ALX4: variants seen among roughly 807,000 people sequenced by gnomAD.
ALX4 encodes the protein homeobox protein aristaless-like 4.
In ALX4, 22 loss-of-function variants were observed where a neutral mutation model predicts 40.6. The observed-to-expected ratio is 0.54, with a 90% CI of 0.39 to 0.77. The LOEUF (loss-of-function observed/expected upper bound fraction) is 0.77, where lower values mean the gene tolerates loss of function less well. Among genes scored for constraint, ALX4 ranks in the 30% least tolerant of loss-of-function variants. The probability of loss-of-function intolerance (pLI) is 0.00; values close to 1 mark genes in which losing one functional copy is unlikely to be tolerated. For missense variants in ALX4, 556 were observed against 564.8 expected (o/e 0.98, Z 0.16); for synonymous variants, 266 against 240.5 (o/e 1.11, Z -0.98).
At position 44,287,978 on chromosome 11, in the gene ALX4, TTTTG is replaced by T. The variant is rs565583227; in HGVS notation, c.467-12324_467-12321del. 2.5e-4 allele frequency among the ~76,000 whole-genome samples: 38 copies of T among 152,240 alleles called. No homozygotes were observed. The East Asian group carries it at 5.8e-3, about 23-fold the overall frequency. On this transcript the variant is annotated intron_variant, in intron 1 of 3. Transcript: ENST00000652299. ...GTCATATGTCTGCAACTTACTCTTTTTTTGTTTGTTTGTTTTTAGACAAAGTCTT... is the reference window on the plus strand; with the variant it reads ...GTCATATGTCTGCAACTTACTCTTTTTTTGTTTGTTTTTAGACAAAGTCTT...
rs1346150090 is a variant in ALX4, at chr11:44,309,709, C to A, written c.354G>T (p.Ala118=). 14 of 1,579,312 alleles carry A rather than the reference C, an allele frequency of 8.9e-6. No individual in the cohort carries two copies. The Admixed American group carries it at 2.5e-4, about 28-fold the overall frequency. The change falls in exon 1 of 4, where the codon GCG becomes GCT. Residue 118 remains alanine (A), a synonymous_variant. Transcript: ENST00000652299. ...CTCGCTGCAAGTAAAGATGCGGTTG[C>A]GCGGGCGGCTGGGGCTGCGGCTGCT... ...QQQQPQPQPP[A]QPHLYLQRGA... is the part of the protein sequence containing the mutation.
chr11:44,281,048 T>C (rs1956307158), intron 1 of ALX4, among the ~76,000 whole-genome samples: 1 of 152,240 alleles, frequency 6.6e-6, no homozygotes, highest in Non-Finnish European at 1.5e-5. Context: ...TCTAATCTAG[T>C]TTTACCTTTT....
chr11:44,265,342 G>T (rs534553421), intron 3 of ALX4, among the ~76,000 whole-genome samples, 159 bp from the exon 4 acceptor site: 12 of 152,220 alleles, frequency 7.9e-5, no homozygotes. Flanking sequence ...ACCCCTGTGG[G>T]GGTGGCTTTT....
In ALX4 at chr11:44,265,151, C is replaced by A. The variant is rs541605039; in HGVS notation, c.939G>T (p.Gly313=). The change falls in exon 4 of 4, where the codon GGG becomes GGT. Residue 313 remains glycine (G), a synonymous_variant. Transcript: ENST00000652299. ...CGCAGGCTGGCACTGGTGAGGCAGC[C>A]CCGTTGTTGCCGAGCCAGGACGGGT... is the stretch of plus-strand genomic sequence containing the variant. ...IQNPSWLGNN[G]AASPVPACVV... is the part of the protein sequence containing the mutation. 4 of 1,605,954 alleles carry A rather than the reference C, an allele frequency of 2.5e-6. No homozygotes were observed. In the South Asian group the frequency reaches 4.4e-5, roughly 18 times the overall value.
intron 2 of ALX4, among the ~76,000 whole-genome samples, chr11:44,271,718 A>ATG (rs1956248493): frequency 6.6e-6 from 1 of 152,128 alleles, no homozygotes; most frequent in Admixed American, 6.5e-5. Flanking sequence ...GTGCGCGCGC[A>ATG]TGTGTGTGTG....
chr11:44,309,978 C>G lies in ALX4; in HGVS notation c.85G>C (p.Glu29Gln). The part of the protein sequence containing the change: ...AYYSPVSQSR[E>Q]GSSPFRAFPG... ...AATGCCCTAAAAGGCGACGAGCCCT[C>G]CCGACTCTGCGACACCGGGCTGTAG... Residue 29 changes from glutamate to glutamine, a missense_variant, in exon 1 of 4, where the codon GAG (glutamate) becomes CAG (glutamine). By Grantham distance (29) the Glu-to-Gln change is conservative. Coordinates refer to ENST00000652299, the MANE Select transcript of ALX4 (RefSeq NM_021926.4). The G allele has an allele frequency of 6.3e-7, 1 of 1,599,048 alleles. No individual in the cohort carries two copies.
In ALX4 at chr11:44,263,006, G is replaced by A. The variant is rs1378156347; in HGVS notation, c.*1848C>T. The A allele has an allele frequency of 6.6e-6, 1 of 152,096 alleles. No homozygotes were observed. Among genetic ancestry groups the A allele is most frequent in the Non-Finnish European group, 1.5e-5 (1 of 68,032 alleles). 9.4% of individuals were successfully genotyped at this position (152,096 alleles called of 1,614,324 possible). On this transcript the variant is annotated 3_prime_UTR_variant, in exon 4 of 4. Transcript: ENST00000652299. ...TCTATAAGATCCATTTTAGAGCTAC[G>A]GTTCACAAAGAGGTCTGACTCATTA...
At chr11:44,282,012 A>G (rs1019122321) in intron 1 of ALX4, among the ~76,000 whole-genome samples, 1 of 152,222 alleles carries the variant, frequency 6.6e-6, no homozygotes, top group Non-Finnish European at 1.5e-5. Flanking sequence ...TGCTCTCGAA[A>G]TAAGGAAAGT....
chr11:44,305,637 G>A (rs1956462092), intron 1 of ALX4, among the ~76,000 whole-genome samples: 2 of 152,222 alleles, frequency 1.3e-5, no homozygotes, highest in African/African-American at 4.8e-5. Flanking sequence ...TGCATGGATT[G>A]TGTCGGTGCA....
chr11:44,298,716 G>C (rs1285035626), intron 1 of ALX4, among the ~76,000 whole-genome samples: 1 of 151,940 alleles, frequency 6.6e-6, no homozygotes, highest in African/African-American at 2.4e-5. Context: ...CCGACTGCTA[G>C]AGTTGGAGAA....
intron 1 of ALX4, among the ~76,000 whole-genome samples, chr11:44,286,968 G>A (rs1956342041): frequency 6.6e-6 from 1 of 152,224 alleles, no homozygotes; most frequent in South Asian, 2.1e-4. Context: ...CGCACAGTGG[G>A]TGCTCAGGAA....
At chr11:44,277,965 CAA>C (rs765540608) in intron 1 of ALX4, among the ~76,000 whole-genome samples, 117 of 151,854 alleles carry the variant, frequency 7.7e-4, no homozygotes, top group Non-Finnish European at 1.1e-3. Context: ...GAGCTTTCAG[CAA>C]AGATATTTAT....
Position 44,264,939 on chromosome 11 carries a change from C to A in ALX4, c.1151G>T (p.Gly384Val). Residue 384 changes from glycine (G) to valine (V), a missense_variant, in exon 4 of 4, where the codon GGC (glycine) becomes GTC (valine). Gly to Val is a moderately radical substitution (Grantham distance 109, BLOSUM62 -3). Coordinates refer to ENST00000652299, the MANE Select transcript of ALX4 (RefSeq NM_021926.4). Reference protein sequence around the residue: ...SPGLNGYELNGEPDRKTSSIA... With the variant: ...SPGLNGYELNVEPDRKTSSIA... ...GCTCGAGGTCTTGCGGTCCGGCTCG[C>A]CGTTGAGCTCGTAGCCATTGAGGCC... is the stretch of plus-strand genomic sequence containing the variant. The A allele has an allele frequency of 6.2e-7, 1 of 1,613,072 alleles. No individual in the cohort carries two copies. Among genetic ancestry groups the A allele is most frequent in the Non-Finnish European group, 8.5e-7 (1 of 1,179,938 alleles).
chr11:44,309,728 G>C lies in ALX4; in HGVS notation c.335C>G (p.Pro112Arg). The change falls in exon 1 of 4, where the codon CCG becomes CGG. Residue 112 changes from proline (P) to arginine (R), a missense_variant. Pro to Arg is a moderately radical substitution (Grantham distance 103). Transcript: ENST00000652299. Reference protein sequence around the residue: ...PPQPQPQQQQPQPQPPAQPHL... With the variant: ...PPQPQPQQQQRQPQPPAQPHL... Reference sequence around the variant, plus strand: ...CGGTTGCGCGGGCGGCTGGGGCTGCGGCTGCTGCTGCTGCGGCTGCGGCTG... The same window carrying C: ...CGGTTGCGCGGGCGGCTGGGGCTGCCGCTGCTGCTGCTGCGGCTGCGGCTG... The C allele has an allele frequency of 6.4e-7, 1 of 1,559,238 alleles. No individual in the cohort carries two copies. Among genetic ancestry groups the C allele is most frequent in the Admixed American group, 1.9e-5 (1 of 53,454 alleles).
chr11:44,269,211 G>A (rs1248179724), intron 2 of ALX4, among the ~76,000 whole-genome samples: 1 of 152,248 alleles, frequency 6.6e-6, no homozygotes, highest in Non-Finnish European at 1.5e-5. Flanking sequence ...CCAATGGACA[G>A]GCTCATAGGA....
chr11:44,301,885 G>A (rs1171036915), intron 1 of ALX4, among the ~76,000 whole-genome samples: 2 of 152,232 alleles, frequency 1.3e-5, no homozygotes, highest in Non-Finnish European at 2.9e-5. Context: ...GGGACAGAGG[G>A]TATATTCCAG....
chr11:44,308,134 C>T (rs1956480299), intron 1 of ALX4, among the ~76,000 whole-genome samples: 1 of 152,152 alleles, frequency 6.6e-6, no homozygotes, highest in South Asian at 2.1e-4. Context: ...GTGGCTCATT[C>T]GAGGCCACAT....
chr11:44,268,694 AG>A (rs1220312908), intron 2 of ALX4, among the ~76,000 whole-genome samples: 1 of 152,146 alleles, frequency 6.6e-6, no homozygotes, highest in East Asian at 1.9e-4. Flanking sequence ...GATCTGGAGA[AG>A]GGGTGATGGG....
chr11:44,286,477 G>T (rs546425804), intron 1 of ALX4, among the ~76,000 whole-genome samples: 1 of 152,266 alleles, frequency 6.6e-6, no homozygotes, highest in East Asian at 1.9e-4. Context: ...CTGCAGTTGT[G>T]CATGCTGGCC....
Sources: allele counts gnomAD v4.1 joint callset (sites outside exome capture counted in the v4.1 genomes callset), GRCh38; gene constraint gnomAD v4.1.1; transcripts MANE v1.5; gene names NCBI Gene and HGNC (gene_info 2026-07-23, HGNC 2026-07-21).